The following SOX5 variants were observed in gnomAD, a reference collection of about 807,000 sequenced individuals.
SOX5 encodes the protein SRY-box transcription factor 5.
In SOX5, 9 loss-of-function variants were observed where a neutral mutation model predicts 92.0. That is an observed-to-expected ratio of 0.10 (90% CI 0.06 to 0.17). SOX5 has a LOEUF of 0.17. Among genes scored for constraint, SOX5 ranks in the 10% least tolerant of loss-of-function variants. The pLI is 1.00. For synonymous variants in SOX5, 344 were observed against 336.3 expected (o/e 1.02, Z -0.25); for missense variants, 642 against 944.5 (o/e 0.68, Z 4.20).
intron 1 of SOX5, among the ~76,000 whole-genome samples, chr12:24,415,454 G>A (rs551615911): frequency 2.4e-4 from 37 of 152,188 alleles, no homozygotes; most frequent in African/African-American, 7.9e-4. Flanking sequence ...CATTATTCCT[G>A]ATTAGAAGCA....
intron 1 of SOX5, among the ~76,000 whole-genome samples, chr12:24,443,077 G>A (rs758253564): frequency 1.1e-4 from 17 of 148,340 alleles, no homozygotes; most frequent in Non-Finnish European, 2.4e-4. Flanking sequence ...TCAGCCTCCC[G>A]AGTAGCTGGG....
chr12:24,266,202 C>T (rs1233088209), intron 3 of SOX5, among the ~76,000 whole-genome samples: 9 of 152,076 alleles, frequency 5.9e-5, no homozygotes, highest in Non-Finnish European at 1.3e-4. Context: ...AAGGCTAAGC[C>T]ACTGTGCCTG....
At chr12:24,017,473 G>A (rs568319276) in intron 4 of SOX5, among the ~76,000 whole-genome samples, 10 of 152,012 alleles carry the variant, frequency 6.6e-5, no homozygotes, top group African/African-American at 1.4e-4. Context: ...GGTGGTGCAC[G>A]CCTGTAATCC....
intron 4 of SOX5, among the ~76,000 whole-genome samples, chr12:24,157,485 T>C (rs901820527): frequency 9.2e-5 from 14 of 152,114 alleles, no homozygotes; most frequent in African/African-American, 3.4e-4. Flanking sequence ...TGTCAACAGG[T>C]ATAATTTACT....
At chr12:23,958,797 T>A (rs566117592) in intron 4 of SOX5, among the ~76,000 whole-genome samples, 5 of 151,662 alleles carry the variant, frequency 3.3e-5, no homozygotes, top group South Asian at 2.1e-4. Context: ...TAATTTGTTA[T>A]ACTTAGTAAA....
intron 7 of SOX5, among the ~76,000 whole-genome samples, chr12:23,643,426 T>TATTA (rs1393273588): frequency 6.6e-6 from 1 of 152,192 alleles, no homozygotes; most frequent in Non-Finnish European, 1.5e-5. Flanking sequence ...TTGAGGTATT[T>TATTA]ATTAGACACT....
chr12:24,229,062 G>T (rs1962774711), intron 3 of SOX5, among the ~76,000 whole-genome samples: 2 of 152,150 alleles, frequency 1.3e-5, no homozygotes, highest in South Asian at 4.1e-4. Context: ...CCCCACTTTG[G>T]CAGACAGGAG....
At chr12:24,474,413 C>A (rs1333196806) in intron 1 of SOX5, among the ~76,000 whole-genome samples, 1 of 152,148 alleles carries the variant, frequency 6.6e-6, no homozygotes, top group Non-Finnish European at 1.5e-5. Context: ...ATGACCCCCC[C>A]ACCGGTGTGA....
At chr12:23,800,373 C>T (rs1302229292) in intron 3 of SOX5, among the ~76,000 whole-genome samples, 1 of 152,112 alleles carries the variant, frequency 6.6e-6, no homozygotes, top group South Asian at 2.1e-4. Context: ...AATACCCAAA[C>T]ACACTAACTC....
intron 4 of SOX5, among the ~76,000 whole-genome samples, chr12:23,983,652 C>A (rs1566334): frequency 0.63 from 96,071 of 151,906 alleles, 30,533 homozygotes; most frequent in Non-Finnish European, 0.66. Context: ...AAACCTTATT[C>A]ATTCAGAATT....
At chr12:24,381,798 T>C (rs375561191) in intron 1 of SOX5, among the ~76,000 whole-genome samples, 2 of 152,212 alleles carry the variant, frequency 1.3e-5, no homozygotes, top group East Asian at 1.9e-4. Flanking sequence ...TTAATTAATA[T>C]AGATGTGATA....
chr12:23,779,785 T>C (rs12820580), intron 3 of SOX5, among the ~76,000 whole-genome samples: 14,706 of 85,280 alleles, frequency 0.17, 1,003 homozygotes, highest in Non-Finnish European at 0.21. Context: ...TTTCACAGAT[T>C]AAAATATATA....
chr12:24,042,590 A>G (rs1162201081), intron 4 of SOX5, among the ~76,000 whole-genome samples: 1 of 152,150 alleles, frequency 6.6e-6, no homozygotes, highest in East Asian at 1.9e-4. Flanking sequence ...CCTTTTTTAA[A>G]AAGTATATTT....
chr12:24,493,526 C>T (rs955548149), intron 1 of SOX5, among the ~76,000 whole-genome samples: 1 of 152,134 alleles, frequency 6.6e-6, no homozygotes, highest in African/African-American at 2.4e-5. Flanking sequence ...TGTAGGAGCT[C>T]TTTGTACTGC....
At chr12:23,856,081 C>T (rs573996578) in intron 2 of SOX5, among the ~76,000 whole-genome samples, 60 of 152,164 alleles carry the variant, frequency 3.9e-4, no homozygotes, top group African/African-American at 1.4e-3. Flanking sequence ...TTAAACAGTC[C>T]ACAGACTCTT....
chr12:23,919,974 T>C (rs1036123092), intron 1 of SOX5: 1 of 152,178 alleles, frequency 6.6e-6, no homozygotes, highest in Non-Finnish European at 1.5e-5. Context: ...TATTTGACAC[T>C]GAAACTGTCC....
At chr12:23,689,926 G>T (rs142079906) in intron 6 of SOX5, among the ~76,000 whole-genome samples, 2 of 152,056 alleles carry the variant, frequency 1.3e-5, no homozygotes, top group African/African-American at 4.8e-5. Context: ...TTTCAGATTC[G>T]CATATATACA....
intron 4 of SOX5, among the ~76,000 whole-genome samples, chr12:24,109,194 T>C (rs1037115563): frequency 6.6e-6 from 1 of 152,170 alleles, no homozygotes; most frequent in Non-Finnish European, 1.5e-5. Context: ...TCAATTTTCA[T>C]GTCATCAATT....
At chr12:23,822,612 A>G (rs1015201531) in intron 3 of SOX5, among the ~76,000 whole-genome samples, 1 of 152,138 alleles carries the variant, frequency 6.6e-6, no homozygotes, top group Non-Finnish European at 1.5e-5. Flanking sequence ...TGGGGTGGAG[A>G]GTTCTGTAGC....
Sources: gnomAD v4.1 joint callset for allele counts (sites outside exome capture counted in the v4.1 genomes callset) on GRCh38, gnomAD v4.1.1 for gene constraint, MANE v1.5 for transcripts, NCBI Gene and HGNC (gene_info 2026-07-23, HGNC 2026-07-21) for gene names.